The following AGPS variants were observed in gnomAD, a reference collection of about 807,000 sequenced individuals.
AGPS encodes alkylglycerone phosphate synthase.
A neutral mutation model predicts 90.7 loss-of-function variants in AGPS; 26 were observed. The ratio of observed to expected loss-of-function variants is 0.29; its 90% confidence interval spans 0.21 to 0.40. The LOEUF (loss-of-function observed/expected upper bound fraction) is 0.40. Ranked by LOEUF, AGPS falls within the 10% of genes least tolerant of loss-of-function variation. AGPS has a pLI of 1.00. For missense variants in AGPS, 540 were observed against 816.1 expected (o/e 0.66, Z 4.12); for synonymous variants, 294 against 285.3 (o/e 1.03, Z -0.31).
chr2:177,424,155 C>T (rs941123991), intron 2 of AGPS, among the ~76,000 whole-genome samples: 1 of 152,104 alleles, frequency 6.6e-6, no homozygotes, highest in African/African-American at 2.4e-5. Context: ...TTGTTCCCCT[C>T]CTTGTGTTCA....
chr2:177,523,046 G>A (rs140941696), intron 18 of AGPS, among the ~76,000 whole-genome samples: 323 of 152,172 alleles, frequency 2.1e-3, no homozygotes, highest in African/African-American at 7.3e-3. Context: ...AGCTTGGTTA[G>A]GACCTTACAT....
intron 9 of AGPS, among the ~76,000 whole-genome samples, chr2:177,465,292 T>G (rs1368999890): frequency 1.3e-5 from 2 of 151,974 alleles, no homozygotes; most frequent in Non-Finnish European, 2.9e-5. Flanking sequence ...AGATCCTATT[T>G]TTTTTTTAAG....
intron 1 of AGPS, among the ~76,000 whole-genome samples, chr2:177,409,625 G>A (rs957079934): frequency 3.9e-5 from 6 of 152,038 alleles, no homozygotes; most frequent in Non-Finnish European, 7.4e-5. Context: ...GTTGGCCGAC[G>A]ACCGCTCTTA....
chr2:177,531,738 T>G (rs902874429), intron 19 of AGPS, among the ~76,000 whole-genome samples: 4 of 152,176 alleles, frequency 2.6e-5, no homozygotes, highest in African/African-American at 9.6e-5. Flanking sequence ...TCTACCTTAT[T>G]TCAAGACTTA....
chr2:177,535,205 C>T (rs567178858), intron 19 of AGPS, among the ~76,000 whole-genome samples: 3 of 152,258 alleles, frequency 2.0e-5, no homozygotes, highest in African/African-American at 7.2e-5. Context: ...TATGTGTACA[C>T]ATGCCTTTCA....
At chr2:177,484,981 TG>T (rs1168606650) in intron 11 of AGPS, among the ~76,000 whole-genome samples, 1 of 152,138 alleles carries the variant, frequency 6.6e-6, no homozygotes, top group Non-Finnish European at 1.5e-5. Flanking sequence ...TTCCCCAGGC[TG>T]GTCTTGAACT....
Position 177,421,875 on chromosome 2 carries a change from T to A in AGPS, c.350+1517T>A, listed in dbSNP as rs576440240. Among the ~76,000 whole-genome samples, 36 of 152,318 alleles carry A rather than the reference T, an allele frequency of 2.4e-4. No homozygotes were observed. The East Asian group carries it at 5.2e-3, about 22-fold the overall frequency. Reference sequence around the variant, plus strand: ...ATTTCTCCTTCTCTTTTTCTCTGTGTTTGGACCTTGAAGGTATACAGTATT... The same window carrying A: ...ATTTCTCCTTCTCTTTTTCTCTGTGATTGGACCTTGAAGGTATACAGTATT... On this transcript the variant is annotated intron_variant, in intron 2 of 19. Coordinates refer to ENST00000264167, the MANE Select transcript of AGPS (RefSeq NM_003659.4).
At chr2:177,400,746 A>G (rs1352051846) in intron 1 of AGPS, among the ~76,000 whole-genome samples, 1 of 152,234 alleles carries the variant, frequency 6.6e-6, no homozygotes, top group Non-Finnish European at 1.5e-5. Flanking sequence ...AATTCTATTT[A>G]TAGTTGCTGT....
intron 10 of AGPS, among the ~76,000 whole-genome samples, chr2:177,469,948 A>G (rs544115074): frequency 2.1e-4 from 32 of 152,346 alleles, no homozygotes; most frequent in African/African-American, 7.5e-4. Context: ...GACAAATTAC[A>G]TGATCAAGTA....
Position 177,510,128 on chromosome 2 carries a change from G to A in AGPS, c.1607+2097G>A, listed in dbSNP as rs575771448. The stretch of plus-strand genomic sequence containing the variant: ...CTGCTATACAGAGCACCTTAGACTG[G>A]GTAGCTTAAATGTTCTTAGACAAGA... On this transcript the variant is annotated intron_variant, in intron 16 of 19. Transcript: ENST00000264167. Among the ~76,000 whole-genome samples, 3 of 152,216 alleles carry A rather than the reference G, an allele frequency of 2.0e-5. No homozygotes were observed. In the South Asian group the frequency reaches 6.2e-4, roughly 32 times the overall value.
intron 1 of AGPS, among the ~76,000 whole-genome samples, chr2:177,401,755 A>G (rs996994416): frequency 1.3e-5 from 2 of 152,130 alleles, no homozygotes; most frequent in Non-Finnish European, 1.5e-5. Flanking sequence ...CTGTTGGACC[A>G]TGCTAGTCTC....
intron 17 of AGPS, among the ~76,000 whole-genome samples, chr2:177,518,328 C>T (rs569497199): frequency 5.1e-4 from 77 of 151,776 alleles, no homozygotes; most frequent in African/African-American, 1.8e-3. Flanking sequence ...CCCAGCAATT[C>T]GGGAGGCTGA....
At chr2:177,536,321 C>T (rs2079183733) in intron 19 of AGPS, among the ~76,000 whole-genome samples, 4 of 152,090 alleles carry the variant, frequency 2.6e-5, no homozygotes, top group Non-Finnish European at 2.9e-5. Context: ...ATTCACTGCT[C>T]GTCACCCCTC....
At position 177,507,991 on chromosome 2, in the gene AGPS, G is replaced by A; in HGVS notation, c.1567G>A (p.Val523Ile). ...YIRDLALEYY[V>I]LGESFETSAP... The stretch of plus-strand genomic sequence containing the variant: ...ATAGGACTTGGCTTTGGAATACTAT[G>A]TATTAGGAGAATCTTTTGAGACTTC... Residue 523 changes from valine (V) to isoleucine (I), a missense_variant, in exon 16 of 20, where the codon GTA (valine) becomes ATA (isoleucine). By Grantham distance (29) the Val-to-Ile change is conservative. Around this residue, in one of 2 missense-constraint regions of AGPS, gnomAD observed 405 missense variants for 692.1 expected, o/e 0.59. Coordinates refer to ENST00000264167, the MANE Select transcript of AGPS (RefSeq NM_003659.4). 6.2e-7 allele frequency: 1 copy of A among 1,613,078 alleles called. No homozygotes were observed. Among genetic ancestry groups the A allele is most frequent in the Non-Finnish European group, 8.5e-7 (1 of 1,179,136 alleles).
At chr2:177,501,355 C>G (rs1688556312) in intron 14 of AGPS, among the ~76,000 whole-genome samples, 1 of 152,056 alleles carries the variant, frequency 6.6e-6, no homozygotes, top group Non-Finnish European at 1.5e-5. Flanking sequence ...TAACTCATTA[C>G]TAGTTAGTAA....
At chr2:177,443,375 T>C (rs1488242842) in intron 7 of AGPS, among the ~76,000 whole-genome samples, 1 of 152,218 alleles carries the variant, frequency 6.6e-6, no homozygotes. Flanking sequence ...TTTTTTCTTT[T>C]GAATGTTATA....
At chr2:177,532,680 T>C (rs2079148907) in intron 19 of AGPS, among the ~76,000 whole-genome samples, 1 of 152,192 alleles carries the variant, frequency 6.6e-6, no homozygotes, top group African/African-American at 2.4e-5. Context: ...ATAGCAGCTT[T>C]ATTCATAATA....
chr2:177,405,619 C>G (rs1685445172), intron 1 of AGPS, among the ~76,000 whole-genome samples: 1 of 151,726 alleles, frequency 6.6e-6, no homozygotes, highest in African/African-American at 2.4e-5. Context: ...AATTCTGGTA[C>G]CTGGTAGATG....
intron 8 of AGPS, among the ~76,000 whole-genome samples, chr2:177,450,145 C>A (rs777376099): frequency 6.6e-6 from 1 of 152,108 alleles, no homozygotes; most frequent in Non-Finnish European, 1.5e-5. Flanking sequence ...CCTATTTGCC[C>A]AATTTTAAGA....
Sources: allele counts gnomAD v4.1 joint callset (sites outside exome capture counted in the v4.1 genomes callset), GRCh38; gene constraint gnomAD v4.1.1; regional missense constraint gnomAD v4.1.1; transcripts MANE v1.5; gene names NCBI Gene and HGNC (gene_info 2026-07-23, HGNC 2026-07-21).